The following POMGNT1 variants were observed in gnomAD, a reference collection of about 807,000 sequenced individuals.
POMGNT1 encodes protein O-linked-mannose beta-1,2-N-acetylglucosaminyltransferase 1.
POMGNT1 carries 67 observed loss-of-function variants against 95.6 expected under a neutral mutation model. That is an observed-to-expected ratio of 0.70 (90% CI 0.58 to 0.86). POMGNT1 has a LOEUF of 0.86. POMGNT1 is among the 40% of genes least tolerant of loss of function. The probability of loss-of-function intolerance (pLI) is 0.00; values close to 1 mark genes in which losing one functional copy is unlikely to be tolerated. For missense variants in POMGNT1, 719 were observed against 855.2 expected (o/e 0.84, Z 1.99); for synonymous variants, 298 against 317.9 (o/e 0.94, Z 0.66).
At position 46,190,319 on chromosome 1, in the gene POMGNT1, C is replaced by T. The variant is rs374651143; in HGVS notation, c.1649+154G>A. On this transcript the variant is annotated intron_variant, in intron 19 of 21. Transcript: ENST00000371984. Reference sequence around the variant, plus strand: ...TCGGCCTCCCAAAGTGCTGGGATTACAGGCGTGAGCCACCGCGCCCGGCCT... The same window carrying T: ...TCGGCCTCCCAAAGTGCTGGGATTATAGGCGTGAGCCACCGCGCCCGGCCT... The T allele has an allele frequency of 1.7e-4, 171 of 1,006,024 alleles. No individual in the cohort carries two copies. The South Asian group carries it at 2.1e-3, about 12-fold the overall frequency. 62.3% of individuals were successfully genotyped at this position (1,006,024 alleles called of 1,614,324 possible).
chr1:46,199,622 G>A (rs534941229), upstream of POMGNT1, among the ~76,000 whole-genome samples: 44 of 152,300 alleles, frequency 2.9e-4, 2 homozygotes, highest in Admixed American at 1.4e-3. Context: ...AGGCAGGGGA[G>A]CAATATAATC....
rs765906814 is a variant in POMGNT1 at position 46,189,942 on chromosome 1, A to G, written c.1697T>C (p.Phe566Ser). ...GGTGTGGCCCTCTGTGTCTGGCAGG[A>G]AAGAGTCTTCACAAGGGTTCTTGCT... ...DHSKNPCEDSFLPDTEGHTYV... is the reference protein window; with the variant it reads ...DHSKNPCEDSSLPDTEGHTYV... Residue 566 changes from phenylalanine (F) to serine (S), a missense_variant, in exon 20 of 22, where the codon TTC becomes TCC. Coordinates refer to ENST00000371984, the MANE Select transcript of POMGNT1 (RefSeq NM_017739.4). 1.6e-5 allele frequency: 26 copies of G among 1,614,112 alleles called. No individual in the cohort carries two copies. Among genetic ancestry groups the G allele is most frequent in the Non-Finnish European group, 9.3e-6 (11 of 1,180,018 alleles).
rs1159879183 is a variant in POMGNT1, at chr1:46,194,835, T to C, written c.652+9A>G. On this transcript the variant is annotated intron_variant, in intron 7 of 21. Coordinates refer to ENST00000371984, the MANE Select transcript of POMGNT1 (RefSeq NM_017739.4). ...ATACTACAGAGTGGATGGCCTCTGA[T>C]GCCGGCACCTCCTTTTCGTCCCACG... 1.2e-6 allele frequency: 2 copies of C among 1,614,126 alleles called. No homozygotes were observed. The highest frequency in any genetic ancestry group is 1.1e-5 in the South Asian group (1 of 91,088).
rs587777821 is a variant in POMGNT1, at chr1:46,192,307, C to T, written c.1413+1G>A. The T allele has an allele frequency of 6.2e-7, 1 of 1,614,154 alleles. No homozygotes were observed. The highest frequency in any genetic ancestry group is 2.2e-5 in the East Asian group (1 of 44,866). On this transcript the variant is annotated splice_donor_variant, in intron 16 of 21. Transcript: ENST00000371984. LOFTEE classifies it high-confidence loss of function. ...CCCCCTCACCCTACCCTGACAGTTA[C>T]CTTTTCCGGTGTAGGCCACTTGGGC...
chr1:46,189,757 T>C, intron 20 of POMGNT1, 97 bp downstream of exon 20: 1 of 1,582,506 alleles, frequency 6.3e-7, no homozygotes, highest in Non-Finnish European at 8.6e-7. Context: ...GAGGAGGTTC[T>C]GAGGTTGAAG....
At position 46,194,653 on chromosome 1, in the gene POMGNT1, T is replaced by C; in HGVS notation, c.653-2A>G. 6.2e-7 allele frequency: 1 copy of C among 1,614,262 alleles called. No homozygotes were observed. The highest frequency in any genetic ancestry group is 8.5e-7 in the Non-Finnish European group (1 of 1,180,042). On this transcript the variant is annotated splice_acceptor_variant, in intron 7 of 21. Transcript: ENST00000371984. LOFTEE classifies it high-confidence loss of function. The stretch of plus-strand genomic sequence containing the variant: ...AATGTTTCTCCCCGAAGACAGGACC[T>C]GGCAGGAGGCAGGAATGAGGGCCAT...
At position 46,196,610 on chromosome 1, in the gene POMGNT1, A is replaced by G. The variant is rs1243534757; in HGVS notation, c.354+121T>C. 3.8e-6 allele frequency: 6 copies of G among 1,586,438 alleles called. No homozygotes were observed. Among genetic ancestry groups the G allele is most frequent in the Non-Finnish European group, 4.3e-6 (5 of 1,169,748 alleles). On this transcript the variant is annotated intron_variant, in intron 4 of 21. Transcript: ENST00000371984. This position sits in a 1 kb window ranked among gnomAD's most constrained non-coding sequence, Gnocchi z 4.4. The stretch of plus-strand genomic sequence containing the variant: ...CTATAGATAAGGAATCGAGGACTCC[A>G]AAGTCACACAGCTAGAAACTGGCAG...
At chr1:46,194,509 C>G in intron 8 of POMGNT1, 44 bp downstream of exon 8, 2 of 1,614,144 alleles carry the variant, frequency 1.2e-6, no homozygotes, top group Admixed American at 1.7e-5. Context: ...TAAATGCCCA[C>G]CCCCAGCCCA....
chr1:46,200,015 CA>C (rs1658487160), upstream of POMGNT1, among the ~76,000 whole-genome samples: 1 of 151,970 alleles, frequency 6.6e-6, no homozygotes, highest in African/African-American at 2.4e-5. Flanking sequence ...ACTAAAAATA[CA>C]AAAGTTAGCT....
At chr1:46,205,368 G>C (rs1276933667) in intron 1 of POMGNT1, among the ~76,000 whole-genome samples, 2 of 152,104 alleles carry the variant, frequency 1.3e-5, no homozygotes, top group Non-Finnish European at 2.9e-5. Flanking sequence ...CCAACATCAC[G>C]CAAAAAGCAG....
In POMGNT1 at chr1:46,193,856, T is replaced by C; in HGVS notation, c.949A>G (p.Arg317Gly). 1.2e-6 allele frequency: 2 copies of C among 1,614,120 alleles called. No homozygotes were observed. The highest frequency in any genetic ancestry group is 1.7e-6 in the Non-Finnish European group (2 of 1,180,022). The change falls in exon 10 of 22, where the codon AGG (arginine) becomes GGG (glycine). Residue 317 changes from arginine to glycine, a missense_variant and splice_region_variant. Coordinates refer to ENST00000371984, the MANE Select transcript of POMGNT1 (RefSeq NM_017739.4). ...GGTATAGCCCATTCCCAGGCTTACC[T>C]GTACAGGTAATTGGGTCGGTTCCCT... is the stretch of plus-strand genomic sequence containing the variant. The part of the protein sequence containing the change: ...IAGNRPNYLY[R>G]MLRSLLSAQG...
chr1:46,195,766 T>G, intron 6 of POMGNT1, 45 bp downstream of exon 6: 1 of 1,520,056 alleles, frequency 6.6e-7, no homozygotes, highest in Non-Finnish European at 8.9e-7. Context: ...AGAAGCAGGG[T>G]TGGAGCTAGG....
At chr1:46,200,908 G>A (rs752943495), upstream of POMGNT1, among the ~76,000 whole-genome samples, 1 of 152,130 alleles carries the variant, frequency 6.6e-6, no homozygotes, top group Non-Finnish European at 1.5e-5. Flanking sequence ...AGGCCAAGGC[G>A]GGTGGATCAC....
At chr1:46,191,079 G>A in intron 17 of POMGNT1, 1 of 389,606 alleles carries the variant, frequency 2.6e-6, no homozygotes, top group Non-Finnish European at 4.9e-6. Context: ...TGGGCCTGCT[G>A]TTCTAGAGCC....
chr1:46,208,064 T>C (rs1231557499), intron 1 of POMGNT1, among the ~76,000 whole-genome samples: 1 of 151,800 alleles, frequency 6.6e-6, no homozygotes, highest in Non-Finnish European at 1.5e-5. Context: ...TTCACCACGT[T>C]GGCCAGGCTG....
upstream of POMGNT1, among the ~76,000 whole-genome samples, chr1:46,202,910 G>GGGT (rs1658581797): frequency 1.9e-5 from 2 of 106,060 alleles, 1 homozygote; most frequent in Non-Finnish European, 3.9e-5. Context: ...AGCCCCTGGG[G>GGGT]GGGGGGGGTG....
At chr1:46,209,755 C>T (rs1174273544) in intron 1 of POMGNT1, among the ~76,000 whole-genome samples, 1 of 151,600 alleles carries the variant, frequency 6.6e-6, no homozygotes, top group African/African-American at 2.4e-5. Flanking sequence ...GGGTAATCCA[C>T]TTGCCTCAGC....
At chr1:46,191,431 A>G (rs531007592) in intron 17 of POMGNT1, 1 of 178,054 alleles carries the variant, frequency 5.6e-6, no homozygotes, top group South Asian at 1.3e-4. Flanking sequence ...GCACTTGCCA[A>G]AACAGGAAAG....
intron 1 of POMGNT1, among the ~76,000 whole-genome samples, chr1:46,214,502 C>CA (rs1659002644): frequency 6.6e-6 from 1 of 152,078 alleles, no homozygotes; most frequent in Non-Finnish European, 1.5e-5. Flanking sequence ...AAAAGGTAAA[C>CA]ATTCAGAGAA....
Sources: gnomAD v4.1 joint callset for allele counts (sites outside exome capture counted in the v4.1 genomes callset) on GRCh38, gnomAD v4.1.1 for gene constraint, Gnocchi (gnomAD v3.1) non-coding constraint, MANE v1.5 for transcripts, NCBI Gene and HGNC (gene_info 2026-07-23, HGNC 2026-07-21) for gene names.